The following ST6GALNAC3 variants were observed in gnomAD, a reference collection of about 807,000 sequenced individuals.
The protein encoded by ST6GALNAC3 is alpha-N-acetylgalactosaminide alpha-2,6-sialyltransferase 3.
In ST6GALNAC3, 25 loss-of-function variants were observed where a neutral mutation model predicts 32.7. That is an observed-to-expected ratio of 0.76 (90% CI 0.56 to 1.07). The LOEUF (loss-of-function observed/expected upper bound fraction) is 1.07, where lower values mean the gene tolerates loss of function less well. Ranked by LOEUF, ST6GALNAC3 falls within the 50% of genes least tolerant of loss-of-function variation. ST6GALNAC3 has a pLI of 0.00. For missense variants in ST6GALNAC3, 355 were observed against 382.4 expected (o/e 0.93, Z 0.60); for synonymous variants, 129 against 133.1 (o/e 0.97, Z 0.21).
chr1:76,472,357 A>G (rs1483512011), intron 3 of ST6GALNAC3, among the ~76,000 whole-genome samples: 3 of 151,966 alleles, frequency 2.0e-5, no homozygotes, highest in African/African-American at 4.8e-5. Context: ...TTCATGAATA[A>G]CTTTTCAACC....
In ST6GALNAC3 at chr1:76,173,720, C is replaced by G. The variant is rs527382262; in HGVS notation, c.18+98836C>G. 2.0e-5 allele frequency among the ~76,000 whole-genome samples: 3 copies of G among 152,262 alleles called. 1 individual carries two copies. In the South Asian group the frequency reaches 6.2e-4, roughly 32 times the overall value. ...CAAAAGAAGACATTTATGTGGCCAA[C>G]AAACATACGAAGAAAAGCTCAACAT... On this transcript the variant is annotated intron_variant, in intron 1 of 4. Transcript: ENST00000328299.
chr1:76,120,392 G>A (rs867212227), intron 1 of ST6GALNAC3, among the ~76,000 whole-genome samples: 2 of 152,300 alleles, frequency 1.3e-5, no homozygotes, highest in Admixed American at 1.3e-4. Context: ...GGGGACAAAA[G>A]ACTTTAAAAG....
chr1:76,354,719 G>A (rs1423808003), intron 2 of ST6GALNAC3, among the ~76,000 whole-genome samples: 1 of 151,706 alleles, frequency 6.6e-6, no homozygotes. Context: ...GATTAGTTAT[G>A]CTTTGCCAGT....
chr1:76,498,645 T>C (rs1362781082), intron 3 of ST6GALNAC3, among the ~76,000 whole-genome samples: 1 of 152,012 alleles, frequency 6.6e-6, no homozygotes, highest in Non-Finnish European at 1.5e-5. Context: ...TTTTCGGACA[T>C]AAACTACTTT....
intron 1 of ST6GALNAC3, among the ~76,000 whole-genome samples, chr1:76,131,168 T>G (rs950196645): frequency 1.3e-5 from 2 of 152,244 alleles, no homozygotes; most frequent in African/African-American, 4.8e-5. Context: ...CTGTTGATTT[T>G]ATGCTCAGAT....
intron 1 of ST6GALNAC3, among the ~76,000 whole-genome samples, chr1:76,105,326 C>A (rs1478978092): frequency 2.0e-5 from 3 of 152,222 alleles, no homozygotes. Flanking sequence ...GAGACAAAGA[C>A]TTCTGCCTTG....
chr1:76,420,872 C>A (rs1180214386), intron 3 of ST6GALNAC3, among the ~76,000 whole-genome samples: 1 of 152,026 alleles, frequency 6.6e-6, no homozygotes, highest in Non-Finnish European at 1.5e-5. Context: ...CTTGTAATAT[C>A]CCTACAGAAT....
rs903375428 is a variant in ST6GALNAC3 at position 76,362,593 on chromosome 1, TACA to T, written c.213+48596_213+48598del. Among the ~76,000 whole-genome samples, 8 of 152,308 alleles carry T rather than the reference TACA, an allele frequency of 5.3e-5. No homozygotes were observed. In the South Asian group the frequency reaches 8.3e-4, roughly 16 times the overall value. ...AAAAACAAGTTACTTACTTCCAAGA[TACA>T]ATGGGGTTATAGACATTGGGTAAAT... On this transcript the variant is annotated intron_variant, in intron 2 of 4. Coordinates refer to ENST00000328299, the MANE Select transcript of ST6GALNAC3 (RefSeq NM_152996.4).
intron 3 of ST6GALNAC3, among the ~76,000 whole-genome samples, chr1:76,440,287 T>A (rs1221247676): frequency 6.6e-6 from 1 of 152,214 alleles, no homozygotes; most frequent in African/African-American, 2.4e-5. Flanking sequence ...AGAAAGGGCA[T>A]ATGTGTCAGA....
At chr1:76,439,994 C>T (rs1006550741) in intron 3 of ST6GALNAC3, among the ~76,000 whole-genome samples, 3 of 152,154 alleles carry the variant, frequency 2.0e-5, no homozygotes, top group Admixed American at 6.5e-5. Flanking sequence ...AACGTGTTTA[C>T]GTATGTTACA....
chr1:76,537,014 C>T (rs10873891), intron 3 of ST6GALNAC3, among the ~76,000 whole-genome samples: 1 of 151,974 alleles, frequency 6.6e-6, no homozygotes, highest in African/African-American at 2.4e-5. Context: ...GAACTCTCCA[C>T]GCCAAATTAA....
rs1175059286 is a variant in ST6GALNAC3, at chr1:76,633,733, C to T, written c.*4927C>T. The T allele has an allele frequency of 6.6e-6, 1 of 152,210 alleles. No homozygotes were observed. The highest frequency in any genetic ancestry group is 2.4e-5 in the African/African-American group (1 of 41,446). The allele number at this position is 152,210 out of a possible 1,614,324, so 9.4% of individuals were successfully genotyped here. A position where few individuals can be genotyped will look rare whatever the true frequency, so the allele number is the denominator to read the frequency against. On this transcript the variant is annotated 3_prime_UTR_variant, in exon 5 of 5. Coordinates refer to ENST00000328299, the MANE Select transcript of ST6GALNAC3 (RefSeq NM_152996.4). ...TCCATGTGACCTTTGAGCCCAGATACCCTTCTAGAAGGTGAATGAAAGCCC... is the reference window on the plus strand; with the variant it reads ...TCCATGTGACCTTTGAGCCCAGATATCCTTCTAGAAGGTGAATGAAAGCCC...
At chr1:76,478,898 G>T (rs1659531731) in intron 3 of ST6GALNAC3, among the ~76,000 whole-genome samples, 1 of 151,348 alleles carries the variant, frequency 6.6e-6, no homozygotes, top group African/African-American at 2.4e-5. Flanking sequence ...GAGTAGCTGG[G>T]ACCACAGGTG....
At chr1:76,603,838 T>C (rs1647359053) in intron 3 of ST6GALNAC3, among the ~76,000 whole-genome samples, 2 of 152,156 alleles carry the variant, frequency 1.3e-5, no homozygotes, top group African/African-American at 2.4e-5. Context: ...CTCTATTTCT[T>C]AAGCTTGGTC....
At chr1:76,109,113 T>C (rs924891563) in intron 1 of ST6GALNAC3, among the ~76,000 whole-genome samples, 2 of 152,184 alleles carry the variant, frequency 1.3e-5, no homozygotes, top group African/African-American at 4.8e-5. Flanking sequence ...AGTCCTAGAA[T>C]AGAGGAAGAG....
chr1:76,556,130 G>A lies in ST6GALNAC3; in HGVS notation c.624-71322G>A, dbSNP rs572253453. 1.1e-3 allele frequency among the ~76,000 whole-genome samples: 160 copies of A among 152,130 alleles called. 2 individuals are homozygous for A. The highest frequency in any genetic ancestry group is 3.4e-3 in the Middle Eastern group (1 of 294). Reference sequence around the variant, plus strand: ...CCATACAAATGGAATCATACAGTACGTGGCCTTTTGTGTCCAGCTTCTTTC... The same window carrying A: ...CCATACAAATGGAATCATACAGTACATGGCCTTTTGTGTCCAGCTTCTTTC... On this transcript the variant is annotated intron_variant, in intron 3 of 4. Coordinates refer to ENST00000328299, the MANE Select transcript of ST6GALNAC3 (RefSeq NM_152996.4).
downstream of ST6GALNAC3, chr1:76,637,204 T>C (rs1056355463): frequency 6.6e-6 from 1 of 152,190 alleles, no homozygotes; most frequent in Non-Finnish European, 1.5e-5. Context: ...TAAATATCTA[T>C]ATAATCTTTC....
chr1:76,091,047 A>T (rs757298876), intron 1 of ST6GALNAC3, among the ~76,000 whole-genome samples: 14 of 152,218 alleles, frequency 9.2e-5, no homozygotes, highest in Admixed American at 3.3e-4. Flanking sequence ...ACTGTAAGTT[A>T]AAACATGGCA....
intron 3 of ST6GALNAC3, among the ~76,000 whole-genome samples, chr1:76,520,586 T>A (rs1302445016): frequency 1.3e-5 from 2 of 152,170 alleles, no homozygotes; most frequent in African/African-American, 4.8e-5. Flanking sequence ...TATTTGTGGT[T>A]CATCTGGAAA....
Sources: allele counts gnomAD v4.1 joint callset (sites outside exome capture counted in the v4.1 genomes callset), GRCh38; gene constraint gnomAD v4.1.1; transcripts MANE v1.5; gene names NCBI Gene and HGNC (gene_info 2026-07-23, HGNC 2026-07-21).